The following DNAH9 variants were observed in gnomAD, a reference collection of about 807,000 sequenced individuals.
The protein encoded by DNAH9 is dynein axonemal heavy chain 9, also known as DNAH9 variant protein.
In DNAH9, 345 loss-of-function variants were observed where a neutral mutation model predicts 471.6. That is an observed-to-expected ratio of 0.73 (90% CI 0.67 to 0.80). DNAH9 has a LOEUF of 0.80. Among genes scored for constraint, DNAH9 ranks in the 30% least tolerant of loss-of-function variants. The pLI is 0.00. For missense variants in DNAH9, 5,407 were observed against 5,609.2 expected, an observed-to-expected ratio of 0.96 and a Z score of 1.15; for synonymous variants, 2,093 against 2,123.6, an observed-to-expected ratio of 0.99 and a Z score of 0.40.
chr17:11,773,375 T>C (rs1968294667), intron 38 of DNAH9, among the ~76,000 whole-genome samples: 1 of 152,192 alleles, frequency 6.6e-6, no homozygotes, highest in South Asian at 2.1e-4. Flanking sequence ...GATAGAATAC[T>C]AAGCAATGTT....
At chr17:11,879,978 A>G in intron 53 of DNAH9, 100 bp from the exon 54 acceptor site, 1 of 1,412,112 alleles carries the variant, frequency 7.1e-7, no homozygotes, top group South Asian at 1.3e-5. Flanking sequence ...GCCTCCAACT[A>G]TACCACCATG....
At position 11,801,411 on chromosome 17, in the gene DNAH9, C is replaced by T. The variant is rs564771088; in HGVS notation, c.8420+3618C>T. On this transcript the variant is annotated intron_variant, in intron 43 of 68. Coordinates refer to ENST00000262442, the MANE Select transcript of DNAH9 (RefSeq NM_001372.4). ...ATGAGGCATTAAAAGTTCAACCTGC[C>T]GGGCACCGTGGCTCATGCCTGTAAT... Among the ~76,000 whole-genome samples, 47 of 152,254 alleles carry T rather than the reference C, an allele frequency of 3.1e-4. No homozygotes were observed. The South Asian group carries it at 3.5e-3, about 11-fold the overall frequency.
intron 50 of DNAH9, among the ~76,000 whole-genome samples, chr17:11,857,629 G>A (rs1236543725): frequency 6.6e-6 from 1 of 152,220 alleles, no homozygotes; most frequent in South Asian, 2.1e-4. Flanking sequence ...TTTGATTACT[G>A]TATGCAGGAC....
chr17:11,831,550 A>G (rs560054396), intron 48 of DNAH9, among the ~76,000 whole-genome samples: 5 of 152,104 alleles, frequency 3.3e-5, no homozygotes, highest in Non-Finnish European at 7.3e-5. Context: ...TCAAATATCC[A>G]GACTATAACA....
rs183087519 is a variant in DNAH9 at position 11,713,698 on chromosome 17, C to T, written c.5553-5636C>T. On this transcript the variant is annotated intron_variant, in intron 26 of 68. Transcript: ENST00000262442. ...TTCATTTTATCTTTAACTTTCTTTT[C>T]GCTTGTGTACAGGAGAAAAAATGAT... Among the ~76,000 whole-genome samples, 446 of 152,234 alleles carry T rather than the reference C, an allele frequency of 2.9e-3. 2 individuals are homozygous for T. Among genetic ancestry groups the T allele is most frequent in the African/African-American group, 9.3e-3 (387 of 41,544 alleles).
chr17:11,852,514 A>G (rs921050761), intron 49 of DNAH9, among the ~76,000 whole-genome samples: 1 of 151,940 alleles, frequency 6.6e-6, no homozygotes, highest in African/African-American at 2.4e-5. Context: ...TGCCTGCCTG[A>G]CCATCACTCT....
chr17:11,929,192 GCCCAGC>G, intron 62 of DNAH9, among the ~76,000 whole-genome samples: 1 of 151,922 alleles, frequency 6.6e-6, no homozygotes, highest in East Asian at 1.9e-4. Context: ...CCACCACCAT[GCCCAGC>G]TAATTTTTTG....
intron 3 of DNAH9, 39 bp downstream of exon 3, chr17:11,610,593 A>T: frequency 1.9e-6 from 3 of 1,602,144 alleles, no homozygotes; most frequent in Non-Finnish European, 2.6e-6. Context: ...TGGGGTGAAG[A>T]TGTCTTACAG....
rs780649831 is a variant in DNAH9, at chr17:11,902,873, T to G, written c.11561T>G (p.Leu3854Arg). The G allele has an allele frequency of 6.2e-7, 1 of 1,613,884 alleles. No homozygotes were observed. Among genetic ancestry groups the G allele is most frequent in the South Asian group, 1.1e-5 (1 of 91,080 alleles). ...ACAGCCCTGCAGCGCCTCTGCATGC[T>G]GAGAGCCATGCGGCCCGACCGGATG... ...NKTALQRLCMLRAMRPDRMTY... is the reference protein window; with the variant it reads ...NKTALQRLCMRRAMRPDRMTY... Residue 3854 changes from leucine (L) to arginine (R), a missense_variant, in exon 60 of 69, where the codon CTG becomes CGG. Physicochemically the swap from Leu to Arg is moderately radical, Grantham distance 102 (BLOSUM62 -2). This residue lies in a region of DNAH9 where 4,636 missense variants were observed against 4,900.3 expected (regional missense o/e 0.95). Transcript: ENST00000262442.
intron 36 of DNAH9, among the ~76,000 whole-genome samples, chr17:11,767,455 CTATT>C (rs1410716240): frequency 6.6e-6 from 1 of 152,146 alleles, no homozygotes; most frequent in African/African-American, 2.4e-5. Context: ...GAATTCAATC[CTATT>C]TATTTAACAG....
intron 41 of DNAH9, among the ~76,000 whole-genome samples, chr17:11,793,190 G>C (rs1260131477): frequency 2.6e-5 from 4 of 152,206 alleles, no homozygotes; most frequent in Non-Finnish European, 5.9e-5. Context: ...TTTGAAAAGT[G>C]AGCAAACTAA....
intron 26 of DNAH9, among the ~76,000 whole-genome samples, chr17:11,708,275 A>C (rs1020065002): frequency 6.6e-6 from 1 of 152,168 alleles, no homozygotes; most frequent in Non-Finnish European, 1.5e-5. Context: ...GAGGACCCAG[A>C]TCATAAGATT....
At chr17:11,963,387 T>C (rs982485893) in intron 68 of DNAH9, among the ~76,000 whole-genome samples, 2 of 150,656 alleles carry the variant, frequency 1.3e-5, no homozygotes, top group African/African-American at 4.9e-5. Context: ...TGAGCCGAGA[T>C]CGCACCATTG....
chr17:11,726,795 T>A (rs889396102), intron 27 of DNAH9, among the ~76,000 whole-genome samples: 5 of 152,026 alleles, frequency 3.3e-5, no homozygotes, highest in South Asian at 4.1e-4. Flanking sequence ...ATGCCTGTCA[T>A]CCCAGCACTT....
At chr17:11,750,814 C>CT (rs757763067) in intron 32 of DNAH9, among the ~76,000 whole-genome samples, 1 of 151,946 alleles carries the variant, frequency 6.6e-6, no homozygotes, top group Non-Finnish European at 1.5e-5. Flanking sequence ...AAAAGGTAGG[C>CT]TGGAAGTAAA....
intron 6 of DNAH9, among the ~76,000 whole-genome samples, chr17:11,621,649 A>G (rs1429531303): frequency 6.6e-6 from 1 of 152,192 alleles, no homozygotes; most frequent in Non-Finnish European, 1.5e-5. Flanking sequence ...CTGAGATACA[A>G]AGACGACTGA....
chr17:11,659,982 G>T (rs1597446563), intron 14 of DNAH9, among the ~76,000 whole-genome samples: 1 of 152,250 alleles, frequency 6.6e-6, no homozygotes, highest in East Asian at 1.9e-4. Context: ...TTGGCAATTT[G>T]TGACTTGTTT....
At chr17:11,784,617 C>A in intron 41 of DNAH9, 78 bp downstream of exon 41, 1 of 1,592,178 alleles carries the variant, frequency 6.3e-7, no homozygotes, top group South Asian at 1.1e-5. Context: ...AAATAAGTAG[C>A]TAATGCCCAG....
At chr17:11,691,958 C>A (rs2074339453) in intron 20 of DNAH9, among the ~76,000 whole-genome samples, 1 of 152,124 alleles carries the variant, frequency 6.6e-6, no homozygotes, top group African/African-American at 2.4e-5. Flanking sequence ...TGAGTGCCAC[C>A]ACGCCCAGCT....
Sources: allele counts gnomAD v4.1 joint callset (sites outside exome capture counted in the v4.1 genomes callset), GRCh38; gene constraint gnomAD v4.1.1; regional missense constraint gnomAD v4.1.1; transcripts MANE v1.5; gene names NCBI Gene and HGNC (gene_info 2026-07-23, HGNC 2026-07-21).